The following BCAS3 variants were observed in gnomAD, a reference collection of about 807,000 sequenced individuals.
BCAS3 encodes the protein BCAS4/BCAS3 fusion.
In BCAS3, 53 loss-of-function variants were observed where a neutral mutation model predicts 116.1. The observed-to-expected ratio is 0.46, with a 90% CI of 0.37 to 0.57. The LOEUF is 0.57. BCAS3 is among the 20% of genes least tolerant of loss of function. The pLI is 0.00. For synonymous variants in BCAS3, 391 were observed against 408.2 expected (o/e 0.96, Z 0.51); for missense variants, 917 against 1,165.4 (o/e 0.79, Z 3.10).
intron 5 of BCAS3, among the ~76,000 whole-genome samples, chr17:60,743,513 A>G (rs1359394137): frequency 2.6e-5 from 4 of 151,818 alleles, no homozygotes; most frequent in African/African-American, 9.7e-5. Context: ...AGTTTGCTAA[A>G]AAAAAAAAAA....
chr17:60,914,389 T>C (rs181701682), intron 12 of BCAS3, among the ~76,000 whole-genome samples: 1 of 152,334 alleles, frequency 6.6e-6, no homozygotes, highest in Admixed American at 6.5e-5. Context: ...ATGTGCCTTT[T>C]TGCTGGATGG....
intron 22 of BCAS3, among the ~76,000 whole-genome samples, chr17:61,322,460 G>A (rs1047005758): frequency 3.3e-5 from 5 of 152,142 alleles, no homozygotes; most frequent in African/African-American, 4.8e-5. Flanking sequence ...ATCCCTCCAA[G>A]CCTTCCGCCC....
At chr17:61,322,856 C>CAGAGAGAGAGAGAGAG (rs149772722) in intron 22 of BCAS3, among the ~76,000 whole-genome samples, 3 of 60,510 alleles carry the variant, frequency 5.0e-5, no homozygotes, top group Non-Finnish European at 6.9e-5. Flanking sequence ...GAGAGAGAGA[C>CAGAGAGAGAGAGAGAG]AGAGAGAGAG....
At chr17:60,914,247 GACATTAATGGTTT>G (rs1233029890) in intron 12 of BCAS3, among the ~76,000 whole-genome samples, 1 of 152,156 alleles carries the variant, frequency 6.6e-6, no homozygotes, top group Admixed American at 6.5e-5. Flanking sequence ...GAATATCTCT[GACATTAATGGTTT>G]AATGTTTTAG....
intron 10 of BCAS3, among the ~76,000 whole-genome samples, chr17:60,893,020 A>T (rs566626439): frequency 1.3e-5 from 2 of 152,110 alleles, no homozygotes; most frequent in Admixed American, 1.3e-4. Context: ...GTGATGTTGA[A>T]CATTTTTTTT....
intron 22 of BCAS3, among the ~76,000 whole-genome samples, chr17:61,166,313 CAAATAGCTCCATAAA>C (rs2078488044): frequency 7.9e-5 from 12 of 151,510 alleles, no homozygotes; most frequent in Admixed American, 7.9e-4. Context: ...CTTCTAATAG[CAAATAGCTCCATAAA>C]GCATTTCCTT....
At chr17:61,115,484 GA>G (rs1486453870) in intron 22 of BCAS3, among the ~76,000 whole-genome samples, 2 of 139,908 alleles carry the variant, frequency 1.4e-5, no homozygotes, top group Non-Finnish European at 3.1e-5. Context: ...AAAAACACAT[GA>G]AAAAATGCTC....
At chr17:61,184,231 AATAGATTG>A (rs1359976773) in intron 22 of BCAS3, among the ~76,000 whole-genome samples, 1 of 152,204 alleles carries the variant, frequency 6.6e-6, no homozygotes, top group Non-Finnish European at 1.5e-5. Flanking sequence ...GAATAATGAG[AATAGATTG>A]TCATTGATAA....
chr17:60,704,148 G>C (rs946759608), intron 4 of BCAS3, among the ~76,000 whole-genome samples: 14 of 152,118 alleles, frequency 9.2e-5, no homozygotes, highest in African/African-American at 3.4e-4. Flanking sequence ...GAGGCAGCAG[G>C]GGAGTTCCCA....
chr17:61,211,277 T>C lies in BCAS3; in HGVS notation c.2425+126713T>C, dbSNP rs991644281. ...ATAATCCAGTTGGCCACCAAGGGGT[T>C]GTGCTTCCTTACTGACTGTATTTGT... is the stretch of plus-strand genomic sequence containing the variant. On this transcript the variant is annotated intron_variant, in intron 22 of 23. Coordinates refer to ENST00000407086, the MANE Select transcript of BCAS3 (RefSeq NM_017679.5). The surrounding 1 kb of genome is among the most constrained non-coding windows in gnomAD (Gnocchi z 4.4). Among the ~76,000 whole-genome samples the C allele has an allele frequency of 3.9e-5, 6 of 152,210 alleles. No homozygotes were observed. The highest frequency in any genetic ancestry group is 1.4e-4 in the African/African-American group (6 of 41,456).
chr17:60,723,117 C>G (rs1440367885), intron 5 of BCAS3, among the ~76,000 whole-genome samples: 1 of 152,108 alleles, frequency 6.6e-6, no homozygotes, highest in Non-Finnish European at 1.5e-5. Flanking sequence ...TAAGGTATTC[C>G]TGTTACTCAT....
intron 1 of BCAS3, among the ~76,000 whole-genome samples, chr17:60,678,561 C>T (rs2032408306): frequency 6.6e-6 from 1 of 152,008 alleles, no homozygotes; most frequent in African/African-American, 2.4e-5. Context: ...ACTGATGTGA[C>T]GGGAAAGGGT....
intron 19 of BCAS3, among the ~76,000 whole-genome samples, chr17:61,046,136 G>T (rs1293087015): frequency 1.1e-5 from 1 of 90,488 alleles, no homozygotes; most frequent in Non-Finnish European, 2.1e-5. Context: ...CAATACTGGC[G>T]CCAGTTTCAA....
intron 3 of BCAS3, among the ~76,000 whole-genome samples, chr17:60,685,308 G>T (rs926344654): frequency 4.6e-5 from 7 of 152,016 alleles, no homozygotes; most frequent in African/African-American, 1.7e-4. Context: ...AATTAGCCGG[G>T]TGTGGTGGCG....
intron 4 of BCAS3, among the ~76,000 whole-genome samples, chr17:60,705,449 A>G: frequency 6.8e-6 from 1 of 146,926 alleles, no homozygotes; most frequent in South Asian, 2.3e-4. Context: ...TGGGAGGCGG[A>G]GTTTCAGTGA....
rs187957548 is a variant in BCAS3 at position 60,945,340 on chromosome 17, A to G, written c.1088-1879A>G. 7.9e-5 allele frequency among the ~76,000 whole-genome samples: 12 copies of G among 152,326 alleles called. No individual in the cohort carries two copies. The East Asian group carries it at 2.3e-3, about 29-fold the overall frequency. On this transcript the variant is annotated intron_variant, in intron 13 of 23. Coordinates refer to ENST00000407086, the MANE Select transcript of BCAS3 (RefSeq NM_017679.5). ...CCCAAATTAATTTATTACACTCAAT[A>G]CAGTTCCCTCAAAATCCTAAACAAG...
intron 14 of BCAS3, among the ~76,000 whole-genome samples, chr17:60,984,100 C>G (rs1326552991): frequency 2.0e-5 from 3 of 152,192 alleles, no homozygotes; most frequent in Non-Finnish European, 2.9e-5. Context: ...GCTTTTAGGA[C>G]AGTCTTTAAT....
chr17:61,059,465 G>A (rs905725033), intron 19 of BCAS3, among the ~76,000 whole-genome samples: 1 of 152,050 alleles, frequency 6.6e-6, no homozygotes, highest in Admixed American at 6.5e-5. Flanking sequence ...ATCCAAAAAG[G>A]CTTACCCAAG....
At chr17:61,080,943 A>G (rs904117561) in intron 21 of BCAS3, among the ~76,000 whole-genome samples, 6 of 152,116 alleles carry the variant, frequency 3.9e-5, no homozygotes, top group African/African-American at 1.2e-4. Flanking sequence ...TTTGACCAAG[A>G]TGTCAGGTAA....
Sources: allele counts gnomAD v4.1 joint callset (sites outside exome capture counted in the v4.1 genomes callset), GRCh38; gene constraint gnomAD v4.1.1; non-coding constraint Gnocchi (gnomAD v3.1); transcripts MANE v1.5; gene names NCBI Gene and HGNC (gene_info 2026-07-23, HGNC 2026-07-21).